Variants in PCNX1 observed in about 807,000 individuals in gnomAD.
The protein encoded by PCNX1 is pecanex 1.
In PCNX1, 78 loss-of-function variants were observed where a neutral mutation model predicts 242.2. That is an observed-to-expected ratio of 0.32 (90% CI 0.27 to 0.39). The LOEUF is 0.39. Among genes scored for constraint, PCNX1 ranks in the 10% least tolerant of loss-of-function variants. The probability of loss-of-function intolerance (pLI) is 1.00; values close to 1 mark genes in which losing one functional copy is unlikely to be tolerated. For missense variants in PCNX1, 2,581 were observed against 2,856.5 expected (o/e 0.90, Z 2.20); for synonymous variants, 1,024 against 1,032.9 (o/e 0.99, Z 0.17).
intron 33 of PCNX1, among the ~76,000 whole-genome samples, chr14:71,107,037 A>G (rs114061823): frequency 1.1e-3 from 169 of 152,060 alleles, no homozygotes; most frequent in African/African-American, 3.8e-3. Flanking sequence ...TAGGCCCTCA[A>G]AGTATGCTTT....
intron 28 of PCNX1, among the ~76,000 whole-genome samples, chr14:71,084,381 C>T (rs187354009): frequency 1.3e-3 from 198 of 152,338 alleles, no homozygotes; most frequent in African/African-American, 4.5e-3. Flanking sequence ...AAGTGCTGTG[C>T]TGGGAGATCC....
chr14:71,046,934 A>T (rs2060877910), intron 20 of PCNX1, 30 bp from the exon 21 acceptor site: 1 of 1,573,710 alleles, frequency 6.4e-7, no homozygotes, highest in Non-Finnish European at 8.6e-7. Context: ...ATTTGATGAC[A>T]TGTAGTCTTG....
chr14:70,991,428 A>G (rs2059163672), intron 7 of PCNX1, among the ~76,000 whole-genome samples: 1 of 151,188 alleles, frequency 6.6e-6, no homozygotes, highest in African/African-American at 2.4e-5. Flanking sequence ...CTGGTCTTGA[A>G]CTCCTGACCT....
rs913394334 is a variant in PCNX1, at chr14:71,114,659, T to C, written c.*4724T>C. On this transcript the variant is annotated 3_prime_UTR_variant, in exon 36 of 36. Coordinates refer to ENST00000304743, the MANE Select transcript of PCNX1 (RefSeq NM_014982.3). ...TATGACAACTCTGTTCTAAGACTTA[T>C]ACCTATTATATAGGGTTATACCTTT... is the stretch of plus-strand genomic sequence containing the variant. The C allele has an allele frequency of 1.3e-5, 2 of 150,346 alleles. No homozygotes were observed. Among genetic ancestry groups the C allele is most frequent in the African/African-American group, 2.5e-5 (1 of 40,624 alleles). 9.3% of individuals were successfully genotyped at this position (150,346 alleles called of 1,614,324 possible). A position where few individuals can be genotyped will look rare whatever the true frequency, so the allele number is the denominator to read the frequency against.
intron 22 of PCNX1, among the ~76,000 whole-genome samples, chr14:71,049,792 A>G (rs1014134173): frequency 6.6e-6 from 1 of 152,198 alleles, no homozygotes; most frequent in African/African-American, 2.4e-5. Flanking sequence ...TCGTTTGTAA[A>G]TCAGTTAAAG....
intron 16 of PCNX1, among the ~76,000 whole-genome samples, chr14:71,030,332 C>T (rs548362420): frequency 1.3e-5 from 2 of 152,190 alleles, no homozygotes; most frequent in African/African-American, 4.8e-5. Flanking sequence ...GGCTTGACTT[C>T]CTTTCTTTCT....
At chr14:71,021,982 C>T (rs182068491) in intron 12 of PCNX1, among the ~76,000 whole-genome samples, 54 of 152,162 alleles carry the variant, frequency 3.5e-4, no homozygotes, top group Non-Finnish European at 5.6e-4. Context: ...AGATTTATAT[C>T]TCAAAGTCTT....
rs1345341695 is a variant in PCNX1 at position 71,114,749 on chromosome 14, A to C, written c.*4814A>C. 6.6e-6 allele frequency: 1 copy of C among 152,546 alleles called. No homozygotes were observed. Among genetic ancestry groups the C allele is most frequent in the African/African-American group, 2.4e-5 (1 of 41,430 alleles). The allele number at this position is 152,546 out of a possible 1,614,324, so 9.4% of individuals were successfully genotyped here. A position where few individuals can be genotyped will look rare whatever the true frequency, so the allele number is the denominator to read the frequency against. On this transcript the variant is annotated 3_prime_UTR_variant, in exon 36 of 36. Coordinates refer to ENST00000304743, the MANE Select transcript of PCNX1 (RefSeq NM_014982.3). Reference sequence around the variant, plus strand: ...CAGTGGAGCCAAGCTAGAAGGAACAAAGGTCATCTAACACTGTGATGGGGA... The same window carrying C: ...CAGTGGAGCCAAGCTAGAAGGAACACAGGTCATCTAACACTGTGATGGGGA...
At chr14:70,930,939 T>C (rs1236025035) in intron 1 of PCNX1, among the ~76,000 whole-genome samples, 3 of 152,216 alleles carry the variant, frequency 2.0e-5, no homozygotes, top group Admixed American at 6.5e-5. Context: ...CCTGGAGCCA[T>C]GGCCATTGAT....
At chr14:71,107,780 T>G (rs547589299) in intron 33 of PCNX1, among the ~76,000 whole-genome samples, 1 of 152,230 alleles carries the variant, frequency 6.6e-6, no homozygotes, top group African/African-American at 2.4e-5. Flanking sequence ...TACTATACTT[T>G]GAGAAATAGT....
At chr14:70,962,848 C>G (rs918850075) in intron 3 of PCNX1, among the ~76,000 whole-genome samples, 1 of 152,156 alleles carries the variant, frequency 6.6e-6, no homozygotes. Context: ...CTTTGCTGCT[C>G]TAGTCCTCTT....
Position 70,995,794 on chromosome 14 carries a change from C to T in PCNX1, c.2498C>T (p.Ser833Phe). Residue 833 changes from serine (S) to phenylalanine (F), a missense_variant, in exon 8 of 36, where the codon TCC (serine) becomes TTC (phenylalanine). Physicochemically the swap from Ser to Phe is radical, Grantham distance 155. This residue lies in a region of PCNX1 where 1,204 missense variants were observed against 1,216.7 expected (regional missense o/e 0.99). Coordinates refer to ENST00000304743, the MANE Select transcript of PCNX1 (RefSeq NM_014982.3). ...QQSTAQVKVQ[S>F]RPPSQAAVLS... ...TCCACAGCCCAGGTCAAAGTCCAGTCCCGCCCCCCTTCCCAGGCTGCAGTG... is the reference window on the plus strand; with the variant it reads ...TCCACAGCCCAGGTCAAAGTCCAGTTCCGCCCCCCTTCCCAGGCTGCAGTG... 1 of 1,614,042 alleles carries T rather than the reference C, an allele frequency of 6.2e-7. No homozygotes were observed. The highest frequency in any genetic ancestry group is 8.5e-7 in the Non-Finnish European group (1 of 1,179,954).
In PCNX1 at chr14:71,046,010, A is replaced by G. The variant is rs375036498; in HGVS notation, c.4018+727A>G. 4.6e-5 allele frequency among the ~76,000 whole-genome samples: 7 copies of G among 152,146 alleles called. No homozygotes were observed. The South Asian group carries it at 1.4e-3, about 31-fold the overall frequency. The stretch of plus-strand genomic sequence containing the variant: ...ATACCTGTGTCATAATTTATTATAT[A>G]CCAATGATTAAATAAGCCAACTTTT... On this transcript the variant is annotated intron_variant, in intron 20 of 35. Transcript: ENST00000304743.
intron 18 of PCNX1, among the ~76,000 whole-genome samples, chr14:71,034,565 A>G (rs1267146055): frequency 6.6e-6 from 1 of 152,166 alleles, no homozygotes; most frequent in African/African-American, 2.4e-5. Context: ...AATTTGGTGA[A>G]TTGTAATGTT....
chr14:70,949,086 GTGTATATATACATA>G (rs1164504794), intron 2 of PCNX1, among the ~76,000 whole-genome samples: 1 of 145,262 alleles, frequency 6.9e-6, no homozygotes, highest in East Asian at 2.1e-4. Flanking sequence ...ATATATACAT[GTGTATATATACATA>G]CATGTATATA....
chr14:70,924,218 A>G (rs1303479883), intron 1 of PCNX1, among the ~76,000 whole-genome samples: 2 of 139,738 alleles, frequency 1.4e-5, no homozygotes, highest in Non-Finnish European at 3.1e-5. Flanking sequence ...GGTGACACAG[A>G]GTGAGACTGT....
chr14:70,961,571 T>C (rs2058215806), intron 2 of PCNX1, among the ~76,000 whole-genome samples: 2 of 152,206 alleles, frequency 1.3e-5, no homozygotes, highest in Admixed American at 6.5e-5. Context: ...CCTAGTACTT[T>C]TCTCTTTTTT....
intron 2 of PCNX1, among the ~76,000 whole-genome samples, chr14:70,952,511 ATATT>A (rs1481555383): frequency 1.3e-5 from 2 of 152,008 alleles, no homozygotes; most frequent in Admixed American, 6.6e-5. Flanking sequence ...ATTCCTGAAT[ATATT>A]TATTTATTTT....
chr14:70,992,080 T>A (rs866795091), intron 7 of PCNX1, among the ~76,000 whole-genome samples: 1 of 152,094 alleles, frequency 6.6e-6, no homozygotes, highest in Admixed American at 6.5e-5. Flanking sequence ...ATTTAAAAAA[T>A]TGTGCGCTTT....
Sources: gnomAD v4.1 joint callset for allele counts (sites outside exome capture counted in the v4.1 genomes callset) on GRCh38, gnomAD v4.1.1 for gene constraint, gnomAD v4.1.1 regional missense constraint, MANE v1.5 for transcripts, NCBI Gene and HGNC (gene_info 2026-07-23, HGNC 2026-07-21) for gene names.